The following DNAAF11 variants were observed in gnomAD, a reference collection of about 807,000 sequenced individuals.
DNAAF11 encodes the protein dynein axonemal assembly factor 11, also known as leucine rich repeat containing 6.
A neutral mutation model predicts 60.8 loss-of-function variants in DNAAF11; 45 were observed. That is an observed-to-expected ratio of 0.74 (90% confidence interval 0.58 to 0.95). The LOEUF (loss-of-function observed/expected upper bound fraction) is 0.95. DNAAF11 is among the 40% of genes least tolerant of loss of function. The pLI, the probability that DNAAF11 is intolerant of heterozygous loss-of-function variation, is 0.00. For missense variants in DNAAF11, 546 were observed against 546.2 expected (o/e 1.00, Z 0.00); for synonymous variants, 191 against 183.5 (o/e 1.04, Z -0.33).
At chr8:132,641,620 T>C (rs1179537255) in intron 3 of DNAAF11, among the ~76,000 whole-genome samples, 2 of 151,994 alleles carry the variant, frequency 1.3e-5, no homozygotes, top group African/African-American at 4.8e-5. Context: ...AGTCAACAGG[T>C]AGATTAGTTA....
chr8:132,657,945 A>G (rs1823744967), intron 2 of DNAAF11, among the ~76,000 whole-genome samples: 1 of 152,188 alleles, frequency 6.6e-6, no homozygotes, highest in Non-Finnish European at 1.5e-5. Context: ...CCTTAAAAGA[A>G]CAGTCCTTTC....
chr8:132,630,918 A>T (rs1820734635), intron 5 of DNAAF11, among the ~76,000 whole-genome samples: 1 of 152,306 alleles, frequency 6.6e-6, no homozygotes, highest in East Asian at 1.9e-4. Context: ...ACTCTTGTAT[A>T]TTGTTGATAT....
the DNAAF11 span, among the ~76,000 whole-genome samples, chr8:132,697,300 A>G: frequency 6.6e-6 from 1 of 152,220 alleles, no homozygotes; most frequent in Non-Finnish European, 1.5e-5. Flanking sequence ...ACTTGAAACA[A>G]CTGAATGTTA....
At chr8:132,602,551 A>G (rs1200664933) in intron 10 of DNAAF11, among the ~76,000 whole-genome samples, 2 of 152,056 alleles carry the variant, frequency 1.3e-5, no homozygotes, top group Admixed American at 1.3e-4. Flanking sequence ...CACCAAATTA[A>G]AACAGTGTTT....
chr8:132,673,062 G>T (rs549540721), intron 1 of DNAAF11, among the ~76,000 whole-genome samples: 1 of 152,194 alleles, frequency 6.6e-6, no homozygotes, highest in Non-Finnish European at 1.5e-5. Flanking sequence ...TTATTGGGAA[G>T]CACGGGGGAG....
rs555038979 is a variant in DNAAF11, at chr8:132,600,419, A to C, written c.1140+9747T>G. 3.9e-5 allele frequency among the ~76,000 whole-genome samples: 6 copies of C among 152,282 alleles called. No individual in the cohort carries two copies. The East Asian group carries it at 1.2e-3, about 29-fold the overall frequency. ...ACTTTCTTCACAGAATTGGAAAAAAACTACTTTAAAGTTCATATGTAACCA... is the reference window on the plus strand; with the variant it reads ...ACTTTCTTCACAGAATTGGAAAAAACCTACTTTAAAGTTCATATGTAACCA... On this transcript the variant is annotated intron_variant, in intron 10 of 11. Transcript: ENST00000620350.
intron 1 of DNAAF11, 128 bp from the exon 2 acceptor site, chr8:132,661,755 C>T (rs190135459): frequency 4.4e-6 from 4 of 909,480 alleles, no homozygotes; most frequent in East Asian, 5.2e-5. Context: ...CAGGCCCAAG[C>T]GATTTTCAAA....
the DNAAF11 span, among the ~76,000 whole-genome samples, chr8:132,688,090 G>T: frequency 6.6e-6 from 1 of 151,996 alleles, no homozygotes; most frequent in Non-Finnish European, 1.5e-5. Flanking sequence ...TTCAAATCTG[G>T]TTCAAATGCT....
chr8:132,689,100 G>C, the DNAAF11 span, among the ~76,000 whole-genome samples: 1 of 152,154 alleles, frequency 6.6e-6, no homozygotes, highest in African/African-American at 2.4e-5. Context: ...GATGTGATTA[G>C]AGAGGAAAGA....
intron 10 of DNAAF11, among the ~76,000 whole-genome samples, chr8:132,597,173 T>G (rs1817099039): frequency 6.6e-6 from 1 of 152,134 alleles, no homozygotes; most frequent in Non-Finnish European, 1.5e-5. Flanking sequence ...CACCTCTTAT[T>G]TTATTTTTAA....
At chr8:132,624,258 G>T (rs1820037769) in intron 6 of DNAAF11, among the ~76,000 whole-genome samples, 1 of 152,086 alleles carries the variant, frequency 6.6e-6, no homozygotes, top group South Asian at 2.1e-4. Context: ...CAGTACAGTG[G>T]GGTAGGTAAG....
At chr8:132,687,574 T>C in the DNAAF11 span, 2 of 455,988 alleles carry the variant, frequency 4.4e-6, no homozygotes, top group Non-Finnish European at 4.4e-6. Flanking sequence ...CACACCTTCG[T>C]TGAGTTCTCA....
intron 7 of DNAAF11, among the ~76,000 whole-genome samples, chr8:132,620,044 G>A (rs1441353249): frequency 2.0e-5 from 3 of 152,188 alleles, no homozygotes; most frequent in African/African-American, 7.2e-5. Flanking sequence ...GTCAGATGAT[G>A]TTGGAAGTAA....
At chr8:132,693,186 C>A in the DNAAF11 span, among the ~76,000 whole-genome samples, 3 of 151,782 alleles carry the variant, frequency 2.0e-5, no homozygotes, top group African/African-American at 7.3e-5. Context: ...GACCCAGGGA[C>A]AGAGAGAAAG....
chr8:132,626,076 G>A (rs985686177), intron 5 of DNAAF11, among the ~76,000 whole-genome samples: 3 of 150,810 alleles, frequency 2.0e-5, no homozygotes, highest in Admixed American at 1.3e-4. Flanking sequence ...TTGAGACGGA[G>A]TCTCCCTCTG....
chr8:132,639,699 A>T (rs1212283603), intron 3 of DNAAF11, among the ~76,000 whole-genome samples: 1 of 152,158 alleles, frequency 6.6e-6, no homozygotes, highest in African/African-American at 2.4e-5. Flanking sequence ...ATTAAGTCAG[A>T]TCCCAAGCCA....
At chr8:132,691,821 G>T in the DNAAF11 span, among the ~76,000 whole-genome samples, 1 of 152,134 alleles carries the variant, frequency 6.6e-6, no homozygotes, top group Non-Finnish European at 1.5e-5. Context: ...TGAGATTTGG[G>T]TGGGGACACA....
At chr8:132,672,653 A>G (rs923390205) in intron 1 of DNAAF11, among the ~76,000 whole-genome samples, 7 of 152,210 alleles carry the variant, frequency 4.6e-5, no homozygotes, top group Non-Finnish European at 1.5e-5. Flanking sequence ...TGAGAATTCA[A>G]TGAGTACACA....
chr8:132,653,136 C>A (rs1290136318), intron 3 of DNAAF11, among the ~76,000 whole-genome samples: 1 of 151,414 alleles, frequency 6.6e-6, no homozygotes, highest in Non-Finnish European at 1.5e-5. Flanking sequence ...CTACTAAAAT[C>A]CAATTGAAAG....
Sources: allele counts gnomAD v4.1 joint callset (sites outside exome capture counted in the v4.1 genomes callset), GRCh38; gene constraint gnomAD v4.1.1; transcripts MANE v1.5; gene names NCBI Gene and HGNC (gene_info 2026-07-23, HGNC 2026-07-21).